CCDC120: variants seen among roughly 807,000 people sequenced by gnomAD.
CCDC120 encodes the protein coiled-coil domain-containing protein 120.
A neutral mutation model predicts 37.6 loss-of-function variants in CCDC120; 16 were observed. That is an observed-to-expected ratio of 0.43 (90% CI 0.29 to 0.65). The LOEUF (loss-of-function observed/expected upper bound fraction) is 0.65. Among genes scored for constraint, CCDC120 ranks in the 30% least tolerant of loss-of-function variants. The pLI is 0.18. For synonymous variants in CCDC120, 309 were observed against 275.4 expected (o/e 1.12, Z -1.21); for missense variants, 650 against 657.4 (o/e 0.99, Z 0.12).
At position 49,067,251 on chromosome X, in the gene CCDC120, C is replaced by A; in HGVS notation, c.1137C>A (p.Ala379=). Reference sequence around the variant, plus strand: ...TGGGCTTCCCCCGGGCGGACCCTGCCTCCGATCGCGCCTCCCTCTTCGTAG... The same window carrying A: ...TGGGCTTCCCCCGGGCGGACCCTGCATCCGATCGCGCCTCCCTCTTCGTAG... ...SQMGFPRADP[A]SDRASLFVAR... is the part of the protein sequence containing the mutation. The change falls in exon 10 of 11, where the codon GCC becomes GCA. Residue 379 remains alanine, a synonymous_variant. Transcript: ENST00000603986. 1 of 1,211,418 alleles carries A rather than the reference C, an allele frequency of 8.3e-7. No individual in the cohort carries two copies. Among genetic ancestry groups the A allele is most frequent in the Non-Finnish European group, 1.1e-6 (1 of 895,434 alleles).
upstream of CCDC120, among the ~76,000 whole-genome samples, chrX:49,054,239 C>T (rs2064817410): frequency 9.0e-6 from 1 of 111,087 alleles, no homozygotes; most frequent in Admixed American, 9.6e-5. Context: ...TTGCCCTATC[C>T]TAATGCCCAA....
Position 49,061,978 on chromosome X carries a change from C to A in CCDC120, c.-64C>A. On this transcript the variant is annotated 5_prime_UTR_variant, in exon 2 of 11. Coordinates refer to ENST00000603986, the MANE Select transcript of CCDC120 (RefSeq NM_001163321.4). ...CCCCAGGCAAGACTCGTGGCTGTGACCCATGGGCCTCTGAGGAGGCGTTGT... is the reference window on the plus strand; with the variant it reads ...CCCCAGGCAAGACTCGTGGCTGTGAACCATGGGCCTCTGAGGAGGCGTTGT... The A allele has an allele frequency of 8.7e-7, 1 of 1,146,447 alleles. No individual in the cohort carries two copies. The highest frequency in any genetic ancestry group is 2.6e-5 in the Admixed American group (1 of 37,744). 94.5% of individuals were successfully genotyped at this position (1,146,447 alleles called of 1,213,427 possible). A position where few individuals can be genotyped will look rare whatever the true frequency, so the allele number is the denominator to read the frequency against.
Position 49,062,600 on chromosome X carries a change from C to T in CCDC120, c.287C>T (p.Ala96Val), listed in dbSNP as rs1557079835. 14 of 1,205,724 alleles carry T rather than the reference C, an allele frequency of 1.2e-5. No homozygotes were observed. Among genetic ancestry groups the T allele is most frequent in the Non-Finnish European group, 1.5e-5 (13 of 893,921 alleles). Residue 96 changes from alanine to valine, a missense_variant and splice_region_variant, in exon 4 of 11, where the codon GCG (alanine) becomes GTG (valine). By Grantham distance (64) the Ala-to-Val change is moderately conservative. This residue lies in a region of CCDC120 where 10 missense variants were observed against 27.0 expected (regional missense o/e 0.37). Transcript: ENST00000603986. ...CTCCGCAAAGTGTGTCTCCAGGAGG[C>T]GGTGAGGGCCTGGCCCTAGGGGTAT... ...QELRKVCLQE[A>V]ELTGQLPPEC...
At chrX:49,063,241 A>T (rs1193384081) in intron 4 of CCDC120, among the ~76,000 whole-genome samples, 1 of 107,700 alleles carries the variant, frequency 9.3e-6, no homozygotes, top group Non-Finnish European at 1.9e-5. Flanking sequence ...TGATCCTAGC[A>T]ACTTGGGAGG....
intron 4 of CCDC120, among the ~76,000 whole-genome samples, chrX:49,063,118 C>T (rs1451314802): frequency 2.8e-5 from 3 of 106,905 alleles, no homozygotes; most frequent in Admixed American, 1.0e-4. Flanking sequence ...GGCATGAACC[C>T]GGGAGGCGGA....
At chrX:49,066,940 T>C in intron 9 of CCDC120, 1 of 401,945 alleles carries the variant, frequency 2.5e-6, no homozygotes, top group Non-Finnish European at 4.3e-6. Flanking sequence ...CCCTTGGAGC[T>C]AACAGTGCCA....
At chrX:49,064,866 C>T (rs1342559751) in intron 6 of CCDC120, among the ~76,000 whole-genome samples, 170 bp from the exon 7 acceptor site, 4 of 112,219 alleles carry the variant, frequency 3.6e-5, no homozygotes, top group Non-Finnish European at 7.5e-5. Flanking sequence ...AGTCAGGAAC[C>T]AAACTGGGGT....
At chrX:49,064,118 A>T in intron 5 of CCDC120, 117 bp downstream of exon 5, 1 of 975,531 alleles carries the variant, frequency 1.0e-6, no homozygotes, top group Non-Finnish European at 1.4e-6. Context: ...GGCTAAGATG[A>T]GAAGGAAAAG....
At chrX:49,060,814 C>T (rs1035752348) in intron 1 of CCDC120, among the ~76,000 whole-genome samples, 2 of 112,036 alleles carry the variant, frequency 1.8e-5, no homozygotes, top group Middle Eastern at 4.6e-3. Context: ...AAACATGACA[C>T]CTTACAAGCA....
In CCDC120 at chrX:49,067,692, G is replaced by T. The variant is rs201367380; in HGVS notation, c.1578G>T (p.Val526=). ...CCATGCTCCCCGGCCCACCACCTGTGTATGCAGCTGACAGCAACAGCCCCC... is the reference window on the plus strand; with the variant it reads ...CCATGCTCCCCGGCCCACCACCTGTTTATGCAGCTGACAGCAACAGCCCCC... ...LLTMLPGPPP[V]YAADSNSPLL... is the part of the protein sequence containing the mutation. Residue 526 remains valine (V), a synonymous_variant, in exon 10 of 11, where the codon GTG becomes GTT. Transcript: ENST00000603986. The T allele has an allele frequency of 5.8e-6, 7 of 1,198,659 alleles. No homozygotes were observed. Among genetic ancestry groups the T allele is most frequent in the Non-Finnish European group, 6.8e-6 (6 of 887,059 alleles).
In CCDC120 at chrX:49,067,966, G is replaced by T; in HGVS notation, c.1852G>T (p.Gly618Cys). ...GCGCCGGCCTGTGCTCCCTTCCGTGGGCCCGCCACACCCACCCTTCCTCCA... is the reference window on the plus strand; with the variant it reads ...GCGCCGGCCTGTGCTCCCTTCCGTGTGCCCGCCACACCCACCCTTCCTCCA... Reference protein sequence around the residue: ...PQRRPVLPSVGPPHPPFLHAR... With the variant: ...PQRRPVLPSVCPPHPPFLHAR... The change falls in exon 10 of 11, where the codon GGC becomes TGC. Residue 618 changes from glycine (G) to cysteine (C), a missense_variant. Gly to Cys is a radical substitution (Grantham distance 159). Coordinates refer to ENST00000603986, the MANE Select transcript of CCDC120 (RefSeq NM_001163321.4). The T allele has an allele frequency of 8.7e-7, 1 of 1,151,076 alleles. No homozygotes were observed. Among genetic ancestry groups the T allele is most frequent in the Non-Finnish European group, 1.2e-6 (1 of 863,089 alleles). The allele number at this position is 1,151,076 out of a possible 1,213,427, so 94.9% of individuals were successfully genotyped here.
chrX:49,054,137 C>T (rs922053710), upstream of CCDC120, among the ~76,000 whole-genome samples: 3 of 111,555 alleles, frequency 2.7e-5, no homozygotes, highest in African/African-American at 6.5e-5. Context: ...CCCCTAAATC[C>T]AGTCCTGACC....
Position 49,068,585 on chromosome X carries a change from G to C in CCDC120, c.2018G>C (p.Arg673Pro). Residue 673 changes from arginine (R) to proline (P), a missense_variant, in exon 11 of 11, where the codon CGT (arginine) becomes CCT (proline). By Grantham distance (103) the Arg-to-Pro change is moderately radical. This residue lies in a region of CCDC120 where 576 missense variants were observed against 565.3 expected (regional missense o/e 1.02). Coordinates refer to ENST00000603986, the MANE Select transcript of CCDC120 (RefSeq NM_001163321.4). Reference protein sequence around the residue: ...DFLYPPELSARLSDLTLEGEQ... With the variant: ...DFLYPPELSAPLSDLTLEGEQ... Reference sequence around the variant, plus strand: ...CTGTATCCCCCGGAGCTGAGCGCTCGTTTAAGTGACCTGACGCTAGAGGGG... The same window carrying C: ...CTGTATCCCCCGGAGCTGAGCGCTCCTTTAAGTGACCTGACGCTAGAGGGG... 2.6e-6 allele frequency: 3 copies of C among 1,156,676 alleles called. No individual in the cohort carries two copies. Among genetic ancestry groups the C allele is most frequent in the Non-Finnish European group, 3.5e-6 (3 of 867,534 alleles).
At position 49,066,133 on chromosome X, in the gene CCDC120, G is replaced by A. The variant is rs903042288; in HGVS notation, c.1061+288G>A. Among the ~76,000 whole-genome samples the A allele has an allele frequency of 5.4e-5, 6 of 111,775 alleles. No homozygotes were observed. The East Asian group carries it at 8.4e-4, about 16-fold the overall frequency. On this transcript the variant is annotated intron_variant, in intron 9 of 10. Transcript: ENST00000603986. ...AGCTACTTCGGAGGCTGAGGCAGGA[G>A]AATCGCTTGAACCCGGGAGGCGGAG...
At chrX:49,063,003 G>A (rs1374280093) in intron 4 of CCDC120, among the ~76,000 whole-genome samples, 2 of 111,718 alleles carry the variant, frequency 1.8e-5, no homozygotes, top group Admixed American at 9.5e-5. Context: ...GACCATCCTG[G>A]CTAACACGGT....
upstream of CCDC120, among the ~76,000 whole-genome samples, chrX:49,058,063 C>T (rs963485362): frequency 8.1e-5 from 9 of 111,658 alleles, no homozygotes; most frequent in African/African-American, 2.9e-4. Flanking sequence ...GCCTCCCAGC[C>T]AGGACCCAGC....
At chrX:49,061,829 G>A (rs1317010411) in intron 1 of CCDC120, 130 bp from the exon 2 acceptor site, 12 of 680,234 alleles carry the variant, frequency 1.8e-5, no homozygotes, top group South Asian at 1.2e-4. Flanking sequence ...ATGGGGATAC[G>A]AATCTTTCCG....
chrX:49,062,960 C>T (rs936147871), intron 4 of CCDC120, among the ~76,000 whole-genome samples: 18 of 111,662 alleles, frequency 1.6e-4, no homozygotes, highest in Admixed American at 1.1e-3. Context: ...TTTGGGAGGC[C>T]GAGGTGGGCG....
chrX:49,069,754 C>A lies in CCDC120; in HGVS notation c.*1096C>A, dbSNP rs2064999692. 8.9e-6 allele frequency: 1 copy of A among 112,347 alleles called. No individual in the cohort carries two copies. Among genetic ancestry groups the A allele is most frequent in the African/African-American group, 3.2e-5 (1 of 30,834 alleles). 9.3% of individuals were successfully genotyped at this position (112,347 alleles called of 1,213,427 possible). A position where few individuals can be genotyped will look rare whatever the true frequency, so the allele number is the denominator to read the frequency against. On this transcript the variant is annotated 3_prime_UTR_variant, in exon 11 of 11. Transcript: ENST00000603986. ...TTCGGAGCTGGGGGTTCCCCTACCC[C>A]CTTTTCCTGGCGTTAAGCTTTTCTT...
Sources: allele counts gnomAD v4.1 joint callset (sites outside exome capture counted in the v4.1 genomes callset), GRCh38; gene constraint gnomAD v4.1.1; regional missense constraint gnomAD v4.1.1; transcripts MANE v1.5; gene names NCBI Gene and HGNC (gene_info 2026-07-23, HGNC 2026-07-21).